SGCZ: variants seen among roughly 807,000 people sequenced by gnomAD.
The protein encoded by SGCZ is sarcoglycan zeta.
A neutral mutation model predicts 41.3 loss-of-function variants in SGCZ; 40 were observed. The observed-to-expected ratio is 0.97, with a 90% CI of 0.75 to 1.26. SGCZ has a LOEUF of 1.26. SGCZ is among the 50% of genes most tolerant of loss of function. The pLI is 0.00. For synonymous variants in SGCZ, 206 were observed against 137.5 expected (o/e 1.50, Z -3.49); for missense variants, 552 against 369.8 (o/e 1.49, Z -4.04).
intron 2 of SGCZ, among the ~76,000 whole-genome samples, chr8:14,540,242 T>G (rs2117148717): frequency 6.8e-6 from 1 of 147,724 alleles, no homozygotes; most frequent in African/African-American, 2.5e-5. Flanking sequence ...TTTTTTTTTT[T>G]TTTTTTACAA....
At chr8:15,024,952 A>G (rs1803399431) in intron 1 of SGCZ, among the ~76,000 whole-genome samples, 1 of 150,716 alleles carries the variant, frequency 6.6e-6, no homozygotes, top group Admixed American at 6.6e-5. Flanking sequence ...ATAAATAAAT[A>G]AATAAATAAA....
intron 5 of SGCZ, among the ~76,000 whole-genome samples, chr8:14,148,760 C>A (rs968283839): frequency 6.6e-6 from 1 of 152,042 alleles, no homozygotes; most frequent in Non-Finnish European, 1.5e-5. Context: ...AGGCCAAAAT[C>A]TGATGAATAT....
At chr8:14,639,255 C>G (rs1287527591) in intron 1 of SGCZ, among the ~76,000 whole-genome samples, 1 of 151,570 alleles carries the variant, frequency 6.6e-6, no homozygotes, top group Admixed American at 6.6e-5. Context: ...TCCACTCTTA[C>G]TTACCTTACC....
At chr8:14,446,526 A>G (rs532299579) in intron 2 of SGCZ, among the ~76,000 whole-genome samples, 43 of 152,310 alleles carry the variant, frequency 2.8e-4, no homozygotes, top group African/African-American at 1.0e-3. Context: ...TTCTGATACA[A>G]TATTCAGAAG....
intron 1 of SGCZ, among the ~76,000 whole-genome samples, chr8:14,703,241 T>A (rs2117605122): frequency 6.6e-6 from 1 of 152,058 alleles, no homozygotes; most frequent in Non-Finnish European, 1.5e-5. Context: ...GGCTCTTTCT[T>A]GACTTCATCT....
intron 1 of SGCZ, among the ~76,000 whole-genome samples, chr8:14,831,264 G>C (rs894443358): frequency 2.6e-5 from 4 of 152,178 alleles, no homozygotes; most frequent in Admixed American, 1.3e-4. Flanking sequence ...GTAGATATTT[G>C]AGGACAGAAG....
At chr8:14,408,200 A>T (rs7823570) in intron 2 of SGCZ, among the ~76,000 whole-genome samples, 2 of 152,062 alleles carry the variant, frequency 1.3e-5, no homozygotes, top group African/African-American at 4.8e-5. Flanking sequence ...TGTTAAAAGG[A>T]AATCATCACG....
At chr8:14,230,639 T>C (rs539315958) in intron 4 of SGCZ, among the ~76,000 whole-genome samples, 4 of 152,244 alleles carry the variant, frequency 2.6e-5, no homozygotes, top group South Asian at 2.1e-4. Flanking sequence ...CATTTTTACA[T>C]ACTGTATACA....
chr8:14,191,333 TAG>T (rs1554475425), intron 4 of SGCZ, among the ~76,000 whole-genome samples: 3 of 152,222 alleles, frequency 2.0e-5, no homozygotes, highest in Non-Finnish European at 4.4e-5. Flanking sequence ...TGAAAGTTTT[TAG>T]TTTGATACAA....
At chr8:14,574,407 C>T (rs554820316) in intron 1 of SGCZ, among the ~76,000 whole-genome samples, 2 of 152,150 alleles carry the variant, frequency 1.3e-5, no homozygotes, top group South Asian at 4.1e-4. Context: ...AGGTATTACT[C>T]TAACTTTCCC....
intron 3 of SGCZ, among the ~76,000 whole-genome samples, chr8:14,245,199 T>A (rs903515085): frequency 2.6e-5 from 4 of 152,176 alleles, no homozygotes; most frequent in African/African-American, 9.7e-5. Context: ...CTTCCAGTTT[T>A]TGCCCATTCA....
At chr8:14,275,738 C>A (rs1800207746) in intron 3 of SGCZ, among the ~76,000 whole-genome samples, 2 of 152,142 alleles carry the variant, frequency 1.3e-5, no homozygotes, top group South Asian at 4.1e-4. Context: ...GAGATCCCTA[C>A]CGTGCAGGAT....
At chr8:15,112,101 A>C (rs978605117) in intron 1 of SGCZ, among the ~76,000 whole-genome samples, 1 of 152,184 alleles carries the variant, frequency 6.6e-6, no homozygotes, top group African/African-American at 2.4e-5. Context: ...AGGTTTGAGC[A>C]TTTCAGCCTC....
intron 5 of SGCZ, among the ~76,000 whole-genome samples, chr8:14,109,760 C>T (rs184780820): frequency 1.3e-5 from 2 of 152,196 alleles, no homozygotes; most frequent in East Asian, 3.9e-4. Context: ...GCAATACAGA[C>T]CTTGATCATG....
At chr8:14,858,359 T>C (rs940362193) in intron 1 of SGCZ, among the ~76,000 whole-genome samples, 1 of 152,196 alleles carries the variant, frequency 6.6e-6, no homozygotes, top group African/African-American at 2.4e-5. Context: ...AAGAGTAACA[T>C]TGTTTGACGC....
In SGCZ at chr8:14,848,498, A is replaced by G. The variant is rs371402701; in HGVS notation, c.40-293572T>C. On this transcript the variant is annotated intron_variant, in intron 1 of 7. Transcript: ENST00000382080. ...TCAACACACTGTTGTATTAGAGAAA[A>G]TAATAGACATATTGATCAATAGAAG... 5.6e-4 allele frequency among the ~76,000 whole-genome samples: 85 copies of G among 152,334 alleles called. 2 individuals are homozygous for G. The East Asian group carries it at 5.6e-3, about 10-fold the overall frequency.
intron 2 of SGCZ, among the ~76,000 whole-genome samples, chr8:14,356,997 G>A (rs1048984227): frequency 2.6e-5 from 4 of 151,760 alleles, no homozygotes; most frequent in Non-Finnish European, 5.9e-5. Flanking sequence ...TAAAATATGG[G>A]CCAACAAAGT....
intron 4 of SGCZ, among the ~76,000 whole-genome samples, chr8:14,236,048 C>A (rs560109001): frequency 6.6e-6 from 1 of 152,166 alleles, no homozygotes. Flanking sequence ...ATGCAAAAGG[C>A]AGTTCTATCT....
chr8:14,103,264 C>T (rs1802091925), intron 6 of SGCZ, among the ~76,000 whole-genome samples: 2 of 135,022 alleles, frequency 1.5e-5, no homozygotes, highest in South Asian at 6.0e-4. Context: ...TCAAATATAA[C>T]ACTAGAGAAA....
Sources: allele counts gnomAD v4.1 joint callset (sites outside exome capture counted in the v4.1 genomes callset), GRCh38; gene constraint gnomAD v4.1.1; transcripts MANE v1.5; gene names NCBI Gene and HGNC (gene_info 2026-07-23, HGNC 2026-07-21).